The following DDR2 variants were observed in gnomAD, a reference collection of about 807,000 sequenced individuals.
DDR2 encodes discoidin domain-containing receptor 2.
DDR2 carries 27 observed loss-of-function variants against 94.9 expected under a neutral mutation model. The observed-to-expected ratio is 0.28, with a 90% confidence interval of 0.21 to 0.39. The LOEUF (loss-of-function observed/expected upper bound fraction) is 0.39, where lower values mean the gene tolerates loss of function less well. Among genes scored for constraint, DDR2 ranks in the 10% least tolerant of loss-of-function variants. The pLI, the probability that DDR2 is intolerant of heterozygous loss-of-function variation, is 1.00. For synonymous variants in DDR2, 382 were observed against 377.2 expected (o/e 1.01, Z -0.15); for missense variants, 783 against 1,076.0 (o/e 0.73, Z 3.81).
Position 162,638,957 on chromosome 1 carries a change from T to C in DDR2, c.-192+6326T>C, listed in dbSNP as rs367782355. Among the ~76,000 whole-genome samples the C allele has an allele frequency of 2.4e-3, 365 of 152,236 alleles. 2 individuals carry two copies. The highest frequency in any genetic ancestry group is 8.5e-3 in the African/African-American group (353 of 41,528). ...GGATATCAACGAACTGATTCTTTTT[T>C]TTTTTCTTTTTTCTTTTTCTATCTT... On this transcript the variant is annotated intron_variant, in intron 1 of 17. Coordinates refer to ENST00000367921, the MANE Select transcript of DDR2 (RefSeq NM_006182.4).
intron 2 of DDR2, among the ~76,000 whole-genome samples, chr1:162,658,749 G>A (rs1658145685): frequency 2.0e-5 from 3 of 150,974 alleles, no homozygotes; most frequent in Non-Finnish European, 2.9e-5. Context: ...AATGGTTTGA[G>A]CCTGGGAGGT....
At chr1:162,674,650 T>TA (rs1659041344) in intron 2 of DDR2, among the ~76,000 whole-genome samples, 1 of 152,220 alleles carries the variant, frequency 6.6e-6, no homozygotes, top group South Asian at 2.1e-4. Flanking sequence ...GTTTTATTTT[T>TA]ACCTGTTCTT....
At chr1:162,689,116 G>C (rs1659833416) in intron 2 of DDR2, among the ~76,000 whole-genome samples, 1 of 152,206 alleles carries the variant, frequency 6.6e-6, no homozygotes, top group Non-Finnish European at 1.5e-5. Context: ...CTAGTGTCAC[G>C]CTGCACTGTG....
At position 162,767,309 on chromosome 1, in the gene DDR2, A is replaced by G. The variant is rs1664045931; in HGVS notation, c.1243A>G (p.Ile415Val). The G allele has an allele frequency of 1.2e-6, 2 of 1,613,978 alleles. No individual in the cohort carries two copies. Among genetic ancestry groups the G allele is most frequent in the Non-Finnish European group, 1.7e-6 (2 of 1,180,014 alleles). The change falls in exon 11 of 18, where the codon ATC becomes GTC. Residue 415 changes from isoleucine (I) to valine (V), a missense_variant. Physicochemically the swap from Ile to Val is conservative, Grantham distance 29. Coordinates refer to ENST00000367921, the MANE Select transcript of DDR2 (RefSeq NM_006182.4). ...LVAIIFILLA[I>V]IVIILWRQFW... The stretch of plus-strand genomic sequence containing the variant: ...GGCCATCATCTTTATCCTCCTGGCC[A>G]TCATTGTCATCATCCTCTGGAGGCA...
intron 3 of DDR2, among the ~76,000 whole-genome samples, chr1:162,722,473 T>C (rs1409205697): frequency 6.6e-6 from 1 of 152,226 alleles, no homozygotes; most frequent in Non-Finnish European, 1.5e-5. Flanking sequence ...GGAGAGGTTA[T>C]TGGAAGAATT....
intron 9 of DDR2, among the ~76,000 whole-genome samples, chr1:162,764,493 G>C (rs942556454): frequency 6.6e-6 from 1 of 151,942 alleles, no homozygotes; most frequent in Non-Finnish European, 1.5e-5. Flanking sequence ...AGCATCAAAG[G>C]AATGAGACTT....
intron 2 of DDR2, among the ~76,000 whole-genome samples, chr1:162,684,812 A>AAC (rs56958157): frequency 0.074 from 10,203 of 137,820 alleles, 381 homozygotes; most frequent in East Asian, 0.1. Flanking sequence ...CACACCCACC[A>AAC]ACACACACAC....
At chr1:162,695,617 G>T (rs1660153602) in intron 2 of DDR2, among the ~76,000 whole-genome samples, 1 of 152,196 alleles carries the variant, frequency 6.6e-6, no homozygotes, top group Non-Finnish European at 1.5e-5. Flanking sequence ...AGCATTAGAA[G>T]AAAGTTGAGC....
At chr1:162,753,294 T>C (rs1663303734) in intron 4 of DDR2, 97 bp downstream of exon 4, 9 of 1,103,570 alleles carry the variant, frequency 8.2e-6, no homozygotes, top group South Asian at 5.1e-5. Flanking sequence ...GGTGGTGTTA[T>C]TGGCAGGAAC....
At chr1:162,771,950 T>A in intron 12 of DDR2, 74 bp from the exon 13 acceptor site, 1 of 1,492,766 alleles carries the variant, frequency 6.7e-7, no homozygotes. Flanking sequence ...TTAGCCCTCC[T>A]CTCAGAGTTC....
chr1:162,652,380 G>A (rs1657742444), intron 1 of DDR2, among the ~76,000 whole-genome samples: 1 of 152,272 alleles, frequency 6.6e-6, no homozygotes, highest in South Asian at 2.1e-4. Flanking sequence ...CTGGTGGGGA[G>A]GAATGTAGGA....
At chr1:162,727,961 C>CTATATA (rs71093202) in intron 3 of DDR2, among the ~76,000 whole-genome samples, 5 of 120,856 alleles carry the variant, frequency 4.1e-5, no homozygotes, top group Non-Finnish European at 5.1e-5. Context: ...CTATATATAT[C>CTATATA]TATATATATA....
chr1:162,652,017 C>T (rs945462180), intron 1 of DDR2, among the ~76,000 whole-genome samples: 1 of 152,186 alleles, frequency 6.6e-6, no homozygotes, highest in African/African-American at 2.4e-5. Flanking sequence ...GTTATCTTTC[C>T]TAGTTGGAGC....
chr1:162,741,596 G>C, intron 3 of DDR2: 3 of 985,340 alleles, frequency 3.0e-6, no homozygotes, highest in Non-Finnish European at 3.6e-6. Context: ...ATGGCAATCA[G>C]GGACACTATG....
intron 1 of DDR2, among the ~76,000 whole-genome samples, chr1:162,643,846 T>G (rs1571136472): frequency 1.3e-5 from 2 of 152,174 alleles, no homozygotes; most frequent in East Asian, 3.9e-4. Flanking sequence ...TTTTTAGAAC[T>G]AAGCCCTCAT....
intron 2 of DDR2, among the ~76,000 whole-genome samples, chr1:162,681,520 T>C (rs1418765358): frequency 1.3e-5 from 2 of 152,160 alleles, no homozygotes; most frequent in Admixed American, 1.3e-4. Flanking sequence ...AACTACCATA[T>C]GCAGGGTGAC....
chr1:162,636,419 A>T (rs553620806), intron 1 of DDR2, among the ~76,000 whole-genome samples: 1 of 152,202 alleles, frequency 6.6e-6, no homozygotes, highest in South Asian at 2.1e-4. Flanking sequence ...CCACTCATTA[A>T]GTCGTCTGTG....
At position 162,770,451 on chromosome 1, in the gene DDR2, C is replaced by T. The variant is rs1664210252; in HGVS notation, c.1443C>T (p.Tyr481=). Residue 481 remains tyrosine, a synonymous_variant, in exon 12 of 18, where the codon TAC becomes TAT. Transcript: ENST00000367921. ...YDRIFPLRPD[Y]QEPSRLIRKL... ...GCATCTTTCCCCTTCGCCCTGACTACCAGGAGCCATCCAGGCTGATACGAA... is the reference window on the plus strand; with the variant it reads ...GCATCTTTCCCCTTCGCCCTGACTATCAGGAGCCATCCAGGCTGATACGAA... 1.2e-6 allele frequency: 2 copies of T among 1,614,166 alleles called. No homozygotes were observed. Among genetic ancestry groups the T allele is most frequent in the Non-Finnish European group, 1.7e-6 (2 of 1,180,042 alleles).
At chr1:162,706,989 G>T (rs1660693569) in intron 2 of DDR2, among the ~76,000 whole-genome samples, 1 of 152,254 alleles carries the variant, frequency 6.6e-6, no homozygotes, top group Middle Eastern at 3.4e-3. Flanking sequence ...AGGTGCTGAG[G>T]GACTGACTTG....
Sources: allele counts gnomAD v4.1 joint callset (sites outside exome capture counted in the v4.1 genomes callset), GRCh38; gene constraint gnomAD v4.1.1; transcripts MANE v1.5; gene names NCBI Gene and HGNC (gene_info 2026-07-23, HGNC 2026-07-21).